The following ILRUN variants were observed in gnomAD, a reference collection of about 807,000 sequenced individuals.
ILRUN encodes the protein protein ILRUN.
Under a neutral mutation model 33.8 loss-of-function variants are expected in ILRUN, and 3 were observed. That is an observed-to-expected ratio of 0.09 (90% CI 0.04 to 0.23). The LOEUF (loss-of-function observed/expected upper bound fraction) is 0.23. ILRUN is among the 10% of genes least tolerant of loss of function. The pLI is 1.00. For missense variants in ILRUN, 210 were observed against 375.1 expected (o/e 0.56, Z 3.64); for synonymous variants, 124 against 138.9 (o/e 0.89, Z 0.75).
intron 3 of ILRUN, among the ~76,000 whole-genome samples, chr6:34,625,874 C>T (rs1262142388): frequency 2.5e-5 from 3 of 121,156 alleles, no homozygotes; most frequent in African/African-American, 3.2e-5. Context: ...TTTGAGATAG[C>T]GAGTCTCGCT....
At chr6:34,594,886 A>AT (rs1171072360) in intron 4 of ILRUN, among the ~76,000 whole-genome samples, 2 of 152,156 alleles carry the variant, frequency 1.3e-5, no homozygotes, top group Admixed American at 6.5e-5. Context: ...TTAAAAAAAA[A>AT]TTTTGTTGTT....
rs531777525 is a variant in ILRUN at position 34,661,974 on chromosome 6, A to C, written c.159-7195T>G. On this transcript the variant is annotated intron_variant, in intron 1 of 4. Transcript: ENST00000374023. ...CCCCGTCTCTACTAAAAATGCAAAA[A>C]ATTAGCCGGGCGTGGTGGCGGGCGC... 7.4e-3 allele frequency among the ~76,000 whole-genome samples: 1,119 copies of C among 152,024 alleles called. 22 individuals carry two copies. The highest frequency in any genetic ancestry group is 0.026 in the African/African-American group (1,064 of 41,484).
At chr6:34,663,547 C>T (rs1430474964) in intron 1 of ILRUN, among the ~76,000 whole-genome samples, 2 of 152,298 alleles carry the variant, frequency 1.3e-5, no homozygotes, top group East Asian at 3.9e-4. Context: ...GACAGGGTCT[C>T]ACTATGTTGC....
At chr6:34,605,385 C>T (rs1052379210) in intron 4 of ILRUN, among the ~76,000 whole-genome samples, 7 of 149,988 alleles carry the variant, frequency 4.7e-5, no homozygotes, top group Non-Finnish European at 7.4e-5. Context: ...CCCAGCACTT[C>T]GGGAGGCCAA....
At chr6:34,668,596 A>C (rs1319052348) in intron 1 of ILRUN, among the ~76,000 whole-genome samples, 2 of 152,252 alleles carry the variant, frequency 1.3e-5, no homozygotes, top group African/African-American at 4.8e-5. Context: ...TAATAGGCCC[A>C]TCTACAAAAG....
intron 4 of ILRUN, among the ~76,000 whole-genome samples, chr6:34,605,318 CAAAAAA>C (rs78612898): frequency 1.3e-4 from 10 of 74,124 alleles, no homozygotes; most frequent in Non-Finnish European, 1.9e-4. Flanking sequence ...AAAACAAAAA[CAAAAAA>C]AAAAAAAAAA....
chr6:34,610,638 C>A (rs185586778), intron 3 of ILRUN, among the ~76,000 whole-genome samples: 44 of 152,164 alleles, frequency 2.9e-4, no homozygotes, highest in African/African-American at 1.1e-3. Context: ...ATTCAAAAAT[C>A]CAAAAAAATG....
chr6:34,658,022 G>A (rs183297543), intron 1 of ILRUN, among the ~76,000 whole-genome samples: 1 of 152,198 alleles, frequency 6.6e-6, no homozygotes. Context: ...ACAAACAGAG[G>A]CAACGTTAAC....
chr6:34,627,900 C>T (rs1369631845), intron 3 of ILRUN, among the ~76,000 whole-genome samples: 1 of 152,018 alleles, frequency 6.6e-6, no homozygotes, highest in Non-Finnish European at 1.5e-5. Context: ...GACAGGGTTT[C>T]GCCATGTCAG....
intron 1 of ILRUN, among the ~76,000 whole-genome samples, chr6:34,678,663 C>T (rs564115761): frequency 3.3e-5 from 5 of 151,400 alleles, no homozygotes; most frequent in South Asian, 2.1e-4. Flanking sequence ...CTGGCTAACA[C>T]GGTGAAACCC....
intron 3 of ILRUN, among the ~76,000 whole-genome samples, chr6:34,619,985 CAAAAAAAAAA>C (rs1216649224): frequency 1.2e-3 from 92 of 75,926 alleles, no homozygotes; most frequent in Non-Finnish European, 2.8e-4. Flanking sequence ...ACTCTGTCTC[CAAAAAAAAAA>C]AAAAAAAAGC....
At chr6:34,685,117 T>A (rs568742552) in intron 1 of ILRUN, among the ~76,000 whole-genome samples, 63 of 152,192 alleles carry the variant, frequency 4.1e-4, no homozygotes, top group Admixed American at 1.0e-3. Flanking sequence ...ATCTGCAAAC[T>A]AAGGCGGTGG....
chr6:34,643,006 G>C (rs887645704), intron 3 of ILRUN, among the ~76,000 whole-genome samples: 5 of 147,512 alleles, frequency 3.4e-5, no homozygotes, highest in Admixed American at 2.0e-4. Flanking sequence ...AAGAATGAAA[G>C]AGAGAGAGGC....
chr6:34,695,513 G>C (rs1452107089), intron 1 of ILRUN, among the ~76,000 whole-genome samples: 1 of 152,182 alleles, frequency 6.6e-6, no homozygotes, highest in Non-Finnish European at 1.5e-5. Flanking sequence ...GTAGTCTTCT[G>C]TCCCAATTCA....
rs201678534 is a variant in ILRUN at position 34,678,549 on chromosome 6, T to TA, written c.158+17896dup. Among the ~76,000 whole-genome samples, 1,137 of 150,824 alleles carry TA rather than the reference T, an allele frequency of 7.5e-3. 21 individuals are homozygous for TA. Among genetic ancestry groups the TA allele is most frequent in the African/African-American group, 0.026 (1,081 of 41,150 alleles). On this transcript the variant is annotated intron_variant, in intron 1 of 4. Coordinates refer to ENST00000374023, the MANE Select transcript of ILRUN (RefSeq NM_024294.4). ...ACATTATTACTTTTACAATTGAGTA[T>TA]AAAAAAAAGAAATTTCAGCCAGGCG...
intron 3 of ILRUN, among the ~76,000 whole-genome samples, chr6:34,628,479 C>T (rs770730379): frequency 2.6e-5 from 4 of 152,080 alleles, no homozygotes; most frequent in Non-Finnish European, 2.9e-5. Context: ...GCTGCACTCA[C>T]CTGCCACCAC....
At chr6:34,595,425 G>A (rs772694315) in intron 4 of ILRUN, among the ~76,000 whole-genome samples, 4 of 152,198 alleles carry the variant, frequency 2.6e-5, no homozygotes, top group African/African-American at 4.8e-5. Context: ...TCATCAGTAG[G>A]CAGGGCAGTG....
chr6:34,628,941 G>A (rs1017607913), intron 3 of ILRUN, among the ~76,000 whole-genome samples: 7 of 152,042 alleles, frequency 4.6e-5, no homozygotes, highest in Non-Finnish European at 8.8e-5. Flanking sequence ...ATGGCGGAAT[G>A]CTGTCTCTAC....
intron 4 of ILRUN, among the ~76,000 whole-genome samples, chr6:34,591,983 C>A (rs1761303417): frequency 6.6e-6 from 1 of 152,140 alleles, no homozygotes; most frequent in South Asian, 2.1e-4. Flanking sequence ...AGTCTTGCTT[C>A]CCCTTATAAG....
Sources: gnomAD v4.1 joint callset for allele counts (sites outside exome capture counted in the v4.1 genomes callset) on GRCh38, gnomAD v4.1.1 for gene constraint, MANE v1.5 for transcripts, NCBI Gene and HGNC (gene_info 2026-07-23, HGNC 2026-07-21) for gene names.